Variants in AK9 observed in about 807,000 individuals in gnomAD.
AK9 encodes adenylate kinase 9.
AK9 carries 191 observed loss-of-function variants against 239.6 expected under a neutral mutation model. The observed-to-expected ratio is 0.80, with a 90% confidence interval of 0.71 to 0.90. The LOEUF (loss-of-function observed/expected upper bound fraction) is 0.90, where lower values mean the gene tolerates loss of function less well. Ranked by LOEUF, AK9 falls within the 40% of genes least tolerant of loss-of-function variation. The pLI, the probability that AK9 is intolerant of heterozygous loss-of-function variation, is 0.00. For synonymous variants in AK9, 689 were observed against 721.0 expected, an observed-to-expected ratio of 0.96 and a Z score of 0.71; for missense variants, 1,995 against 2,214.7, an observed-to-expected ratio of 0.90 and a Z score of 1.99.
chr6:109,649,672 T>C (rs1351105675), intron 8 of AK9, among the ~76,000 whole-genome samples: 3 of 152,296 alleles, frequency 2.0e-5, no homozygotes, highest in East Asian at 3.9e-4. Context: ...AGGTAATTTA[T>C]AGATTCAATG....
chr6:109,506,865 C>G (rs959512069), intron 33 of AK9, 65 bp from the exon 34 acceptor site: 2 of 1,439,154 alleles, frequency 1.4e-6, no homozygotes, highest in Non-Finnish European at 1.8e-6. Flanking sequence ...TCCTTTCTGT[C>G]TTCCAGAACC....
chr6:109,505,849 T>C (rs1446240459), intron 35 of AK9, among the ~76,000 whole-genome samples: 2 of 152,198 alleles, frequency 1.3e-5, no homozygotes, highest in African/African-American at 4.8e-5. Context: ...GACTGGGTAA[T>C]TAATAAACAA....
chr6:109,650,118 A>C (rs1208310610), intron 8 of AK9, among the ~76,000 whole-genome samples: 5 of 152,232 alleles, frequency 3.3e-5, no homozygotes, highest in Admixed American at 6.5e-5. Context: ...GTTAGACCTA[A>C]AACCATAAAA....
At chr6:109,645,594 C>CCTGG (rs138311576) in intron 8 of AK9, among the ~76,000 whole-genome samples, 1 of 152,086 alleles carries the variant, frequency 6.6e-6, no homozygotes, top group Non-Finnish European at 1.5e-5. Context: ...CTCAACGAGG[C>CCTGG]CTGCCTGCCT....
At chr6:109,615,489 T>C (rs1170996024) in intron 13 of AK9, among the ~76,000 whole-genome samples, 1 of 152,182 alleles carries the variant, frequency 6.6e-6, no homozygotes, top group South Asian at 2.1e-4. Flanking sequence ...AGCTTCAGTT[T>C]GTAAGTTGAC....
At chr6:109,536,805 T>A (rs1782061192) in intron 27 of AK9, among the ~76,000 whole-genome samples, 1 of 152,196 alleles carries the variant, frequency 6.6e-6, no homozygotes, top group African/African-American at 2.4e-5. Flanking sequence ...TTAGAGTGTT[T>A]AGCATGAAGG....
chr6:109,566,107 A>C (rs142288371), intron 21 of AK9, among the ~76,000 whole-genome samples: 1 of 152,270 alleles, frequency 6.6e-6, no homozygotes, highest in East Asian at 1.9e-4. Context: ...CTCAGTCTAG[A>C]AGAGCCATAC....
chr6:109,546,182 G>A, intron 25 of AK9, 55 bp from the exon 26 acceptor site: 1 of 1,471,132 alleles, frequency 6.8e-7, no homozygotes, highest in Non-Finnish European at 9.1e-7. Context: ...TGAAGGAAAA[G>A]CAGTTTTGAG....
At chr6:109,551,037 T>C (rs1362871488) in intron 24 of AK9, among the ~76,000 whole-genome samples, 1 of 152,080 alleles carries the variant, frequency 6.6e-6, no homozygotes, top group African/African-American at 2.4e-5. Flanking sequence ...CCTACCAATA[T>C]GCCTATAAAA....
chr6:109,615,159 G>A (rs2128243010), intron 13 of AK9, among the ~76,000 whole-genome samples: 1 of 152,086 alleles, frequency 6.6e-6, no homozygotes, highest in South Asian at 2.1e-4. Context: ...CCCCTCTTTG[G>A]AGAGGTCTTC....
At chr6:109,683,619 G>A (rs979444428) in intron 1 of AK9, among the ~76,000 whole-genome samples, 52 of 151,766 alleles carry the variant, frequency 3.4e-4, no homozygotes, top group Non-Finnish European at 1.5e-4. Context: ...ACAAACAGAG[G>A]GCCAAATTAT....
Position 109,652,207 on chromosome 6 carries a change from C to T in AK9, c.759+4549G>A, listed in dbSNP as rs547164991. Among the ~76,000 whole-genome samples, 11 of 152,268 alleles carry T rather than the reference C, an allele frequency of 7.2e-5. No individual in the cohort carries two copies. In the East Asian group the frequency reaches 1.5e-3, roughly 21 times the overall value. On this transcript the variant is annotated intron_variant, in intron 8 of 40. Transcript: ENST00000424296. ...AGCACATCAAAAAGCTTATCCACCA[C>T]GATCAAGTTGGCTTCATCCCTGGGA...
chr6:109,635,088 A>G (rs1349070638), intron 10 of AK9, among the ~76,000 whole-genome samples: 3 of 152,056 alleles, frequency 2.0e-5, no homozygotes, highest in Non-Finnish European at 4.4e-5. Flanking sequence ...GCTTCCTAAA[A>G]CCTCACTAAA....
chr6:109,514,159 C>CA, intron 32 of AK9, 65 bp downstream of exon 32: 1 of 1,417,154 alleles, frequency 7.1e-7, no homozygotes, highest in South Asian at 1.3e-5. Flanking sequence ...ATTGACCTGC[C>CA]ATGTGCATTG....
intron 8 of AK9, among the ~76,000 whole-genome samples, chr6:109,649,874 T>C (rs1439026462): frequency 6.6e-6 from 1 of 152,148 alleles, no homozygotes. Flanking sequence ...GTGGTACTGG[T>C]ACCAAAACAG....
At chr6:109,591,402 G>A (rs907923707) in intron 17 of AK9, among the ~76,000 whole-genome samples, 14 of 151,892 alleles carry the variant, frequency 9.2e-5, no homozygotes, top group African/African-American at 3.4e-4. Flanking sequence ...CTTTGACTCT[G>A]TAAATGTATT....
chr6:109,670,531 T>C (rs1173079524), intron 5 of AK9, among the ~76,000 whole-genome samples: 1 of 152,312 alleles, frequency 6.6e-6, no homozygotes, highest in East Asian at 1.9e-4. Context: ...TTTGAACTAT[T>C]TCCTAATAAC....
At chr6:109,530,016 G>A (rs181987652) in intron 28 of AK9, among the ~76,000 whole-genome samples, 5 of 152,350 alleles carry the variant, frequency 3.3e-5, no homozygotes, top group Non-Finnish European at 5.9e-5. Context: ...TGGGGAAAGT[G>A]TATGTGGTTG....
intron 5 of AK9, among the ~76,000 whole-genome samples, chr6:109,671,716 T>C (rs887606839): frequency 2.1e-5 from 3 of 140,148 alleles, no homozygotes; most frequent in Non-Finnish European, 4.8e-5. Context: ...TTGGGTCATA[T>C]AAACTTATTT....
Sources: allele counts gnomAD v4.1 joint callset (sites outside exome capture counted in the v4.1 genomes callset), GRCh38; gene constraint gnomAD v4.1.1; transcripts MANE v1.5; gene names NCBI Gene and HGNC (gene_info 2026-07-23, HGNC 2026-07-21).